The following RGS6 variants were observed in gnomAD, a reference collection of about 807,000 sequenced individuals.
RGS6 encodes regulator of G protein signaling 6.
Under a neutral mutation model 78.5 loss-of-function variants are expected in RGS6, and 30 were observed. The observed-to-expected ratio is 0.38, with a 90% CI of 0.29 to 0.52. The LOEUF is 0.52. Among genes scored for constraint, RGS6 ranks in the 20% least tolerant of loss-of-function variants. The probability of loss-of-function intolerance (pLI) is 0.85; values close to 1 mark genes in which losing one functional copy is unlikely to be tolerated. For missense variants in RGS6, 495 were observed against 609.7 expected (o/e 0.81, Z 1.98); for synonymous variants, 206 against 206.0 (o/e 1.00, Z 0.00).
chr14:72,544,402 A>G (rs1462295006), intron 17 of RGS6, among the ~76,000 whole-genome samples: 1 of 152,096 alleles, frequency 6.6e-6, no homozygotes, highest in Admixed American at 6.6e-5. Flanking sequence ...TTGAAACCTT[A>G]CCTGCCCTCT....
the RGS6 span, among the ~76,000 whole-genome samples, chr14:72,590,494 G>A: frequency 0.8 from 121,129 of 151,968 alleles, 48,413 homozygotes; most frequent in East Asian, 0.86. Context: ...TCTCAAAAAC[G>A]TTACACTGAG....
In RGS6 at chr14:72,564,038, G is replaced by A. The variant is rs1056573788; in HGVS notation, c.*1571G>A. On this transcript the variant is annotated 3_prime_UTR_variant, in exon 18 of 18. Coordinates refer to ENST00000553525, the MANE Select transcript of RGS6 (RefSeq NM_001204424.2). The stretch of plus-strand genomic sequence containing the variant: ...AGATGCTTGCTTATTTGCAGACCCG[G>A]CCTCCTGGGTGCTCCCCAGTGACCC... The A allele has an allele frequency of 6.6e-6, 1 of 152,180 alleles. No individual in the cohort carries two copies. The highest frequency in any genetic ancestry group is 2.4e-5 in the African/African-American group (1 of 41,434). The allele number at this position is 152,180 out of a possible 1,614,324, so 9.4% of individuals were successfully genotyped here. A position where few individuals can be genotyped will look rare whatever the true frequency, so the allele number is the denominator to read the frequency against.
At chr14:72,010,323 C>T (rs758801531) in intron 2 of RGS6, among the ~76,000 whole-genome samples, 1 of 152,154 alleles carries the variant, frequency 6.6e-6, no homozygotes, top group African/African-American at 2.4e-5. Context: ...TTTTACATTG[C>T]ACCCCACTTT....
At chr14:72,335,096 C>T (rs2075793063) in intron 2 of RGS6, among the ~76,000 whole-genome samples, 1 of 143,708 alleles carries the variant, frequency 7.0e-6, no homozygotes, top group Non-Finnish European at 1.5e-5. Flanking sequence ...CTCTCTCTTG[C>T]CTGCCACCAT....
Position 72,473,301 on chromosome 14 carries a change from G to A in RGS6, c.618+348G>A, listed in dbSNP as rs988028028. Reference sequence around the variant, plus strand: ...TACTAAAAATACAAAAAAATTAGCCGGGCGTGGTGGCAGGCACCTGTAGTC... The same window carrying A: ...TACTAAAAATACAAAAAAATTAGCCAGGCGTGGTGGCAGGCACCTGTAGTC... On this transcript the variant is annotated intron_variant, in intron 9 of 17. Coordinates refer to ENST00000553525, the MANE Select transcript of RGS6 (RefSeq NM_001204424.2). 3.0e-4 allele frequency among the ~76,000 whole-genome samples: 46 copies of A among 152,258 alleles called. 2 individuals are homozygous for A. The highest frequency in any genetic ancestry group is 2.5e-3 in the Admixed American group (38 of 15,296).
chr14:72,431,845 T>C (rs527446905), intron 3 of RGS6, among the ~76,000 whole-genome samples: 9 of 152,276 alleles, frequency 5.9e-5, no homozygotes, highest in Admixed American at 3.3e-4. Flanking sequence ...TCTCCTCTTA[T>C]TCCAGTGATA....
chr14:72,057,791 C>T (rs2093693283), intron 2 of RGS6, among the ~76,000 whole-genome samples: 1 of 152,184 alleles, frequency 6.6e-6, no homozygotes, highest in Admixed American at 6.5e-5. Context: ...GACAGACCTG[C>T]CACCCATGAT....
At chr14:72,033,921 T>G (rs1486659389) in intron 2 of RGS6, among the ~76,000 whole-genome samples, 2 of 152,186 alleles carry the variant, frequency 1.3e-5, no homozygotes, top group Non-Finnish European at 2.9e-5. Context: ...CTGTTTTGTT[T>G]TTTGTTTTTG....
chr14:72,081,105 G>A (rs1292156257), intron 2 of RGS6, among the ~76,000 whole-genome samples: 1 of 152,126 alleles, frequency 6.6e-6, no homozygotes, highest in African/African-American at 2.4e-5. Flanking sequence ...GCTTTAGGTA[G>A]TATGGACATT....
At chr14:72,154,113 T>C (rs890525762) in intron 2 of RGS6, among the ~76,000 whole-genome samples, 12 of 152,154 alleles carry the variant, frequency 7.9e-5, no homozygotes, top group African/African-American at 2.9e-4. Flanking sequence ...GAAAATAATT[T>C]AGTGATATCT....
chr14:72,174,133 G>A (rs755846156), intron 2 of RGS6, among the ~76,000 whole-genome samples: 4 of 152,114 alleles, frequency 2.6e-5, no homozygotes, highest in African/African-American at 2.4e-5. Context: ...TTTGAGGTGG[G>A]GTTTCACTCT....
At chr14:72,484,255 A>G (rs2096444553) in intron 12 of RGS6, among the ~76,000 whole-genome samples, 2 of 152,238 alleles carry the variant, frequency 1.3e-5, no homozygotes, top group South Asian at 4.1e-4. Flanking sequence ...AAGTAGGACT[A>G]ATGGTCGTAT....
chr14:72,389,365 C>A (rs1238378407), intron 3 of RGS6, among the ~76,000 whole-genome samples: 1 of 152,130 alleles, frequency 6.6e-6, no homozygotes, highest in Non-Finnish European at 1.5e-5. Flanking sequence ...TAATAAATGA[C>A]CTTCTGAGAG....
At chr14:72,459,733 T>A (rs1242547829) in intron 6 of RGS6, 50 bp downstream of exon 6, 1 of 1,583,636 alleles carries the variant, frequency 6.3e-7, no homozygotes, top group Non-Finnish European at 8.7e-7. Flanking sequence ...TGTGTGTCAC[T>A]TCTGGGGGTG....
chr14:72,002,510 A>G (rs962832871), intron 2 of RGS6, among the ~76,000 whole-genome samples: 5 of 152,152 alleles, frequency 3.3e-5, no homozygotes, highest in African/African-American at 1.2e-4. Context: ...CAGTCTTTAC[A>G]TGATAGTTAC....
chr14:71,894,563 G>T, the RGS6 span, among the ~76,000 whole-genome samples: 1 of 152,162 alleles, frequency 6.6e-6, no homozygotes, highest in South Asian at 2.1e-4. Flanking sequence ...CCTTTGCTTT[G>T]CACTAAGGAC....
intron 2 of RGS6, among the ~76,000 whole-genome samples, chr14:72,252,025 G>A (rs1008300441): frequency 1.3e-5 from 2 of 152,198 alleles, no homozygotes; most frequent in Non-Finnish European, 2.9e-5. Flanking sequence ...TGCCATTGGA[G>A]TGAAGACTCT....
At chr14:71,982,809 A>C (rs377058867) in intron 2 of RGS6, among the ~76,000 whole-genome samples, 2 of 152,174 alleles carry the variant, frequency 1.3e-5, no homozygotes, top group Admixed American at 6.5e-5. Flanking sequence ...AGTGCCCTCA[A>C]ACATGTTTAA....
Position 72,214,000 on chromosome 14 carries a change from C to G in RGS6, c.85-138095C>G, listed in dbSNP as rs1052066399. Among the ~76,000 whole-genome samples, 11 of 152,036 alleles carry G rather than the reference C, an allele frequency of 7.2e-5. No homozygotes were observed. The East Asian group carries it at 2.1e-3, about 29-fold the overall frequency. On this transcript the variant is annotated intron_variant, in intron 2 of 17. Coordinates refer to ENST00000553525, the MANE Select transcript of RGS6 (RefSeq NM_001204424.2). ...GCTGAAGAGGTAGTTGTCAGTGAGGCCAATTCTGGGTGGGATATTGGCTGA... is the reference window on the plus strand; with the variant it reads ...GCTGAAGAGGTAGTTGTCAGTGAGGGCAATTCTGGGTGGGATATTGGCTGA...
Sources: allele counts gnomAD v4.1 joint callset (sites outside exome capture counted in the v4.1 genomes callset), GRCh38; gene constraint gnomAD v4.1.1; transcripts MANE v1.5; gene names NCBI Gene and HGNC (gene_info 2026-07-23, HGNC 2026-07-21).